Variants in DNTT observed in about 807,000 individuals in gnomAD.
DNTT encodes nucleosidetriphosphate:DNA deoxynucleotidylexotransferase.
A neutral mutation model predicts 60.9 loss-of-function variants in DNTT; 47 were observed. That is an observed-to-expected ratio of 0.77 (90% CI 0.61 to 0.98). DNTT has a LOEUF of 0.98. Ranked by LOEUF, DNTT falls within the 50% of genes least tolerant of loss-of-function variation. DNTT has a pLI of 0.00. For missense variants in DNTT, 665 were observed against 627.5 expected (o/e 1.06, Z -0.64); for synonymous variants, 224 against 221.2 (o/e 1.01, Z -0.11).
chr10:96,318,848 G>A (rs1844825575), intron 2 of DNTT, among the ~76,000 whole-genome samples: 1 of 152,124 alleles, frequency 6.6e-6, no homozygotes, highest in Non-Finnish European at 1.5e-5. Flanking sequence ...AAATATTTAA[G>A]CCTTGATATT....
At position 96,327,739 on chromosome 10, in the gene DNTT, T is replaced by C. The variant is rs1034332863; in HGVS notation, c.1007+139T>C. ...ACAGCTTTATCTCCTGCCTCTCACA[T>C]TTCATTTCAGCAACCCCAAATGGCT... is the stretch of plus-strand genomic sequence containing the variant. On this transcript the variant is annotated intron_variant, in intron 7 of 10. Transcript: ENST00000371174. 2.9e-6 allele frequency: 4 copies of C among 1,385,512 alleles called. No homozygotes were observed. The African/African-American group carries it at 5.8e-5, about 20-fold the overall frequency. The allele number at this position is 1,385,512 out of a possible 1,614,324, so 85.8% of individuals were successfully genotyped here.
At chr10:96,326,073 T>C (rs1303011336) in intron 6 of DNTT, among the ~76,000 whole-genome samples, 5 of 152,212 alleles carry the variant, frequency 3.3e-5, no homozygotes, top group Non-Finnish European at 7.3e-5. Flanking sequence ...CAAATCATCA[T>C]AGTCTTACAT....
At chr10:96,321,897 A>T (rs967890296) in intron 4 of DNTT, among the ~76,000 whole-genome samples, 3 of 152,206 alleles carry the variant, frequency 2.0e-5, no homozygotes, top group African/African-American at 4.8e-5. Context: ...CTGGAGCTAC[A>T]TGGAACCAGC....
intron 1 of DNTT, among the ~76,000 whole-genome samples, chr10:96,307,734 A>ATATATATATATATATATATATATAT (rs1564868534): frequency 4.1e-5 from 3 of 72,574 alleles, no homozygotes; most frequent in Non-Finnish European, 8.8e-5. Flanking sequence ...TATATATATA[A>ATATATATATATATATATATATATAT]GCATATATAT....
intron 7 of DNTT, 82 bp downstream of exon 7, chr10:96,327,682 A>G: frequency 6.5e-7 from 1 of 1,535,010 alleles, no homozygotes; most frequent in East Asian, 2.3e-5. Context: ...GAAACGGCAC[A>G]AAAGGCTGTG....
chr10:96,318,649 GTCAC>G (rs2133987648), intron 2 of DNTT, 123 bp downstream of exon 2: 2 of 1,180,682 alleles, frequency 1.7e-6, no homozygotes, highest in South Asian at 3.4e-5. Context: ...CCTTGGGCAA[GTCAC>G]TTAGCTTTAC....
chr10:96,327,593 T>C lies in DNTT; in HGVS notation c.1000T>C (p.Phe334Leu). ...PDAFVTMTGG[F>L]RRGKKMGHDV... ...TGCTTTCGTCACCATGACAGGAGGG[T>C]TCCGGAGGTAAATAACTTGGGTGGC... The change falls in exon 7 of 11, where the codon TTC becomes CTC. Residue 334 changes from phenylalanine to leucine, a missense_variant. By Grantham distance (22) the Phe-to-Leu change is conservative (BLOSUM62 0). Transcript: ENST00000371174. The C allele has an allele frequency of 6.2e-7, 1 of 1,613,056 alleles. No homozygotes were observed. Among genetic ancestry groups the C allele is most frequent in the Non-Finnish European group, 8.5e-7 (1 of 1,179,618 alleles).
rs1373419991 is a variant in DNTT at position 96,329,839 on chromosome 10, T to G, written c.1113+1009T>G. Among the ~76,000 whole-genome samples the G allele has an allele frequency of 5.9e-5, 9 of 152,246 alleles. No homozygotes were observed. In the East Asian group the frequency reaches 1.7e-3, roughly 29 times the overall value. ...ACCCTCCTCAGAAGGCACCTGAGAC[T>G]AAATTTGGACGGAGCCTTCCTGTGG... On this transcript the variant is annotated intron_variant, in intron 8 of 10. Coordinates refer to ENST00000371174, the MANE Select transcript of DNTT (RefSeq NM_004088.4).
chr10:96,313,163 A>G (rs1315175883), intron 1 of DNTT, among the ~76,000 whole-genome samples: 2 of 152,210 alleles, frequency 1.3e-5, no homozygotes, highest in Non-Finnish European at 2.9e-5. Context: ...AAGCACTAAC[A>G]ATCGGTCATG....
intron 1 of DNTT, chr10:96,306,816 T>C (rs1589367522): frequency 6.6e-6 from 1 of 152,216 alleles, no homozygotes. Context: ...TAAATACAAA[T>C]GTGCTCTATG....
chr10:96,327,482 GA>G lies in DNTT; in HGVS notation c.891del (p.Asp298ThrfsTer6), dbSNP rs779773278. Reference sequence around the variant, plus strand: ...TGGCCTCTCAGGATTTCTGTATTATGAAGACCTTGTCAGCTGTGTGACCAGG... The same window carrying G: ...TGGCCTCTCAGGATTTCTGTATTATGAGACCTTGTCAGCTGTGTGACCAGG... ...RMQKAGFLYYEDLVSCVTRAE... is the reference protein window; with the variant it reads ...RMQKAGFLYYXDLVSCVTRAE... On this transcript the variant is annotated frameshift_variant, in exon 7 of 11. Coordinates refer to ENST00000371174, the MANE Select transcript of DNTT (RefSeq NM_004088.4). LOFTEE classifies it high-confidence loss of function. The G allele has an allele frequency of 4.3e-6, 7 of 1,614,116 alleles. No individual in the cohort carries two copies. The highest frequency in any genetic ancestry group is 8.5e-7 in the Non-Finnish European group (1 of 1,179,962).
chr10:96,320,848 G>A (rs1213105744), intron 4 of DNTT, 60 bp downstream of exon 4: 3 of 1,589,034 alleles, frequency 1.9e-6, no homozygotes, highest in South Asian at 2.3e-5. Flanking sequence ...GGGGGAGAGA[G>A]GGATGTAGCT....
At chr10:96,328,478 A>T (rs1221849614) in intron 7 of DNTT, among the ~76,000 whole-genome samples, 9 of 152,126 alleles carry the variant, frequency 5.9e-5, no homozygotes, top group Middle Eastern at 3.4e-3. Context: ...AGAATAAATA[A>T]TTTTTTTGTT....
At chr10:96,336,152 A>G (rs1845066426) in intron 10 of DNTT, among the ~76,000 whole-genome samples, 178 bp downstream of exon 10, 1 of 152,140 alleles carries the variant, frequency 6.6e-6, no homozygotes, top group African/African-American at 2.4e-5. Context: ...CGCAGTTTCC[A>G]CCCGGCCCAG....
chr10:96,336,025 G>T, intron 10 of DNTT, 51 bp downstream of exon 10: 1 of 1,592,764 alleles, frequency 6.3e-7, no homozygotes, highest in South Asian at 1.1e-5. Flanking sequence ...CCCCAAGGCT[G>T]GCCCCCGAGC....
chr10:96,338,092 C>T (rs1364107771), intron 10 of DNTT, 46 bp from the exon 11 acceptor site: 1 of 1,553,108 alleles, frequency 6.4e-7, no homozygotes. Context: ...CACCATGGTG[C>T]TTATGAAAAA....
chr10:96,324,539 A>C, intron 6 of DNTT, 150 bp downstream of exon 6: 13 of 1,290,926 alleles, frequency 1.0e-5, no homozygotes, highest in Non-Finnish European at 1.3e-5. Flanking sequence ...TAGCTCCAGC[A>C]GTTTCCAGCT....
At chr10:96,311,134 A>G (rs952439725) in intron 1 of DNTT, among the ~76,000 whole-genome samples, 1 of 152,228 alleles carries the variant, frequency 6.6e-6, no homozygotes, top group African/African-American at 2.4e-5. Flanking sequence ...AATAAAACCA[A>G]ACAAAACTGC....
chr10:96,307,798 G>T lies in DNTT; in HGVS notation c.203+3098G>T, dbSNP rs1387241663. ...ATATATTTTTTTTTTTTGAGGCAGG[G>T]TCTTGTTCTGTCACGCAGGCTGGAG... is the stretch of plus-strand genomic sequence containing the variant. On this transcript the variant is annotated intron_variant, in intron 1 of 10. Coordinates refer to ENST00000371174, the MANE Select transcript of DNTT (RefSeq NM_004088.4). Among the ~76,000 whole-genome samples the T allele has an allele frequency of 2.2e-5, 3 of 139,534 alleles. 1 individual carries two copies. The South Asian group carries it at 6.8e-4, about 32-fold the overall frequency. The allele number at this position is 139,534 out of a possible 152,430, so 91.5% of individuals were successfully genotyped here. A position where few individuals can be genotyped will look rare whatever the true frequency, so the allele number is the denominator to read the frequency against.
Sources: gnomAD v4.1 joint callset for allele counts (sites outside exome capture counted in the v4.1 genomes callset) on GRCh38, gnomAD v4.1.1 for gene constraint, MANE v1.5 for transcripts, NCBI Gene and HGNC (gene_info 2026-07-23, HGNC 2026-07-21) for gene names.